FAM20C: variants seen among roughly 807,000 people sequenced by gnomAD.
FAM20C encodes the protein extracellular serine/threonine protein kinase FAM20C.
Under a neutral mutation model 51.5 loss-of-function variants are expected in FAM20C, and 40 were observed. The observed-to-expected ratio is 0.78, with a 90% CI of 0.60 to 1.01. FAM20C has a LOEUF of 1.01. Among genes scored for constraint, FAM20C ranks in the 50% least tolerant of loss-of-function variants. The probability of loss-of-function intolerance (pLI) is 0.00; values close to 1 mark genes in which losing one functional copy is unlikely to be tolerated. For synonymous variants in FAM20C, 406 were observed against 380.6 expected, an observed-to-expected ratio of 1.07 and a Z score of -0.78; for missense variants, 861 against 844.7, an observed-to-expected ratio of 1.02 and a Z score of -0.24.
At position 237,138 on chromosome 7, in the gene FAM20C, G is replaced by A. The variant is rs913996949; in HGVS notation, c.864-9277G>A. 8.2e-3 allele frequency among the ~76,000 whole-genome samples: 1,248 copies of A among 152,336 alleles called. 15 individuals are homozygous for A. The highest frequency in any genetic ancestry group is 0.041 in the Middle Eastern group (12 of 294). The stretch of plus-strand genomic sequence containing the variant: ...GGCTGGGAATAGAACTGCTTGTTCT[G>A]TGAACAGCCAGCGTCATTGGAAAGC... On this transcript the variant is annotated intron_variant, in intron 3 of 9. Coordinates refer to ENST00000313766, the MANE Select transcript of FAM20C (RefSeq NM_020223.4).
At chr7:223,709 G>A (rs530403805) in intron 3 of FAM20C, among the ~76,000 whole-genome samples, 18 of 152,364 alleles carry the variant, frequency 1.2e-4, no homozygotes, top group South Asian at 4.1e-4. Flanking sequence ...CGCGGATGCC[G>A]CAGGTGGTCC....
chr7:252,673 T>C (rs2115163581), intron 5 of FAM20C, among the ~76,000 whole-genome samples: 2 of 152,302 alleles, frequency 1.3e-5, no homozygotes, highest in Middle Eastern at 6.8e-3. Context: ...CCAAGGCCAG[T>C]GCTCGGGGAA....
rs1425201953 is a variant in FAM20C at position 193,602 on chromosome 7, G to A, written c.403G>A (p.Ala135Thr). ...DPGALRPHDP[A>T]HRPLLRDPGP... ...CGGCGCCCTAAGACCCCACGACCCC[G>A]CGCACCGGCCGCTGCTGCGAGACCC... The change falls in exon 1 of 10, where the codon GCG becomes ACG. Residue 135 changes from alanine (A) to threonine (T), a missense_variant. This residue lies in a region of FAM20C where 561 missense variants were observed against 499.8 expected (regional missense o/e 1.12). Transcript: ENST00000313766. 2.6e-6 allele frequency: 4 copies of A among 1,536,504 alleles called. No individual in the cohort carries two copies. The highest frequency in any genetic ancestry group is 2.8e-5 in the African/African-American group (2 of 71,648).
intron 5 of FAM20C, 71 bp from the exon 6 acceptor site, chr7:255,778 G>T: frequency 6.7e-7 from 1 of 1,500,940 alleles, no homozygotes; most frequent in South Asian, 1.2e-5. Flanking sequence ...CCCGGCCTTG[G>T]GGGCCGTGAG....
intron 3 of FAM20C, among the ~76,000 whole-genome samples, chr7:226,989 C>T (rs543362635): frequency 6.6e-6 from 1 of 152,292 alleles, no homozygotes. Flanking sequence ...CCCACACTGG[C>T]ACCCTCCCCT....
intron 3 of FAM20C, among the ~76,000 whole-genome samples, chr7:233,028 A>G (rs1264156300): frequency 3.3e-5 from 5 of 152,320 alleles, no homozygotes; most frequent in African/African-American, 7.2e-5. Flanking sequence ...GGCCCTGAAG[A>G]AAAGATCACA....
intron 3 of FAM20C, among the ~76,000 whole-genome samples, chr7:237,221 A>G (rs1270376469): frequency 3.9e-5 from 6 of 152,332 alleles, no homozygotes; most frequent in African/African-American, 1.4e-4. Context: ...GCCTCGAGGC[A>G]GGGCCTGGTC....
intron 3 of FAM20C, among the ~76,000 whole-genome samples, chr7:233,029 A>G (rs1787745348): frequency 6.6e-6 from 1 of 152,206 alleles, no homozygotes; most frequent in Admixed American, 6.5e-5. Flanking sequence ...GCCCTGAAGA[A>G]AAGATCACAG....
At position 215,047 on chromosome 7, in the gene FAM20C, G is replaced by A. The variant is rs112632644; in HGVS notation, c.863+6071G>A. Among the ~76,000 whole-genome samples the A allele has an allele frequency of 3.9e-3, 588 of 152,088 alleles. 3 individuals carry two copies. Among genetic ancestry groups the A allele is most frequent in the African/African-American group, 0.014 (562 of 41,460 alleles). On this transcript the variant is annotated intron_variant, in intron 3 of 9. Coordinates refer to ENST00000313766, the MANE Select transcript of FAM20C (RefSeq NM_020223.4). ...CACAGGTGCTGCCTAAACACTCCTCGTCACTACACTCTCCTATGCTCCACG... is the reference window on the plus strand; with the variant it reads ...CACAGGTGCTGCCTAAACACTCCTCATCACTACACTCTCCTATGCTCCACG...
At chr7:242,067 GC>G (rs1787964357) in intron 3 of FAM20C, among the ~76,000 whole-genome samples, 1 of 152,172 alleles carries the variant, frequency 6.6e-6, no homozygotes, top group Non-Finnish European at 1.5e-5. Context: ...GTCCCCAGAG[GC>G]CCCCTGCGCT....
At chr7:226,022 A>ATGG in intron 3 of FAM20C, among the ~76,000 whole-genome samples, 1 of 152,220 alleles carries the variant, frequency 6.6e-6, no homozygotes, top group Non-Finnish European at 1.5e-5. Context: ...ATTGCGCAGA[A>ATGG]CAACCTGGGT....
intron 2 of FAM20C, 61 bp downstream of exon 2, chr7:195,793 C>T (rs1024044113): frequency 6.9e-5 from 99 of 1,442,700 alleles, no homozygotes; most frequent in Non-Finnish European, 9.0e-5. Context: ...ATCAGGGCTG[C>T]TGGGGCAGGC....
chr7:203,172 G>A (rs1786208975), intron 2 of FAM20C, among the ~76,000 whole-genome samples: 1 of 152,194 alleles, frequency 6.6e-6, no homozygotes, highest in Non-Finnish European at 1.5e-5. Flanking sequence ...TCAGCTCTCA[G>A]TGGGTCCCTC....
intron 2 of FAM20C, among the ~76,000 whole-genome samples, chr7:206,543 G>GTGCTCAC (rs1490347715): frequency 0.011 from 673 of 59,952 alleles, 2 homozygotes; most frequent in African/African-American, 0.018. Flanking sequence ...CCCTGCACAC[G>GTGCTCAC]TGTCCACTGT....
chr7:251,194 G>A (rs1483735068), intron 5 of FAM20C, among the ~76,000 whole-genome samples: 2 of 149,912 alleles, frequency 1.3e-5, no homozygotes, highest in Non-Finnish European at 3.0e-5. Context: ...GGCCGGGCAC[G>A]GCGGCTCACG....
At chr7:201,699 A>G (rs1786134289) in intron 2 of FAM20C, among the ~76,000 whole-genome samples, 1 of 152,202 alleles carries the variant, frequency 6.6e-6, no homozygotes, top group Admixed American at 6.5e-5. Context: ...CTTTCTATGT[A>G]AGACGCTTAT....
chr7:260,168 A>C lies in FAM20C; in HGVS notation c.*188A>C. ...CACATTTTGTCAGTGTTTGACCAGA[A>C]AAGCTTGGGAAGGAAGCGCTGTCTG... On this transcript the variant is annotated 3_prime_UTR_variant, in exon 10 of 10. Transcript: ENST00000313766. 1.2e-6 allele frequency: 1 copy of C among 824,620 alleles called. No individual in the cohort carries two copies. Among genetic ancestry groups the C allele is most frequent in the Non-Finnish European group, 1.7e-6 (1 of 575,910 alleles). 51.1% of individuals were successfully genotyped at this position (824,620 alleles called of 1,614,324 possible). A position where few individuals can be genotyped will look rare whatever the true frequency, so the allele number is the denominator to read the frequency against.
chr7:195,621 A>G lies in FAM20C; in HGVS notation c.673A>G (p.Asn225Asp). Residue 225 changes from asparagine to aspartate, a missense_variant, in exon 2 of 10, where the codon AAC becomes GAC. By Grantham distance (23) the Asn-to-Asp change is conservative (BLOSUM62 1). This residue lies in a region of FAM20C where 561 missense variants were observed against 499.8 expected (regional missense o/e 1.12). Coordinates refer to ENST00000313766, the MANE Select transcript of FAM20C (RefSeq NM_020223.4). ...GGAGGCGGCCGTGGACTCCTATCCCAACTGGCTCAAGTTCCACATTGGTAT... is the reference window on the plus strand; with the variant it reads ...GGAGGCGGCCGTGGACTCCTATCCCGACTGGCTCAAGTTCCACATTGGTAT... ...PGEAAVDSYP[N>D]WLKFHIGINR... is the part of the protein sequence containing the mutation. 1 of 1,610,184 alleles carries G rather than the reference A, an allele frequency of 6.2e-7. No homozygotes were observed. Among genetic ancestry groups the G allele is most frequent in the Non-Finnish European group, 8.5e-7 (1 of 1,178,280 alleles).
At chr7:250,174 C>T (rs1788341395) in intron 5 of FAM20C, among the ~76,000 whole-genome samples, 1 of 152,210 alleles carries the variant, frequency 6.6e-6, no homozygotes, top group Non-Finnish European at 1.5e-5. Context: ...AAGCTCATTT[C>T]CTGCAGATGT....
Sources: gnomAD v4.1 joint callset for allele counts (sites outside exome capture counted in the v4.1 genomes callset) on GRCh38, gnomAD v4.1.1 for gene constraint, gnomAD v4.1.1 regional missense constraint, MANE v1.5 for transcripts, NCBI Gene and HGNC (gene_info 2026-07-23, HGNC 2026-07-21) for gene names.